Variants in ITSN2 observed in about 807,000 individuals in gnomAD.
The protein encoded by ITSN2 is intersectin 2, also known as intersectin-2.
In ITSN2, 156 loss-of-function variants were observed where a neutral mutation model predicts 243.7. The ratio of observed to expected loss-of-function variants is 0.64; its 90% CI spans 0.56 to 0.73. The LOEUF is 0.73. ITSN2 is among the 30% of genes least tolerant of loss of function. The probability of loss-of-function intolerance (pLI) is 0.00; values close to 1 mark genes in which losing one functional copy is unlikely to be tolerated. For missense variants in ITSN2, 1,801 were observed against 1,996.1 expected, an observed-to-expected ratio of 0.90 and a Z score of 1.86; for synonymous variants, 703 against 699.9, an observed-to-expected ratio of 1.00 and a Z score of -0.07.
chr2:24,310,233 A>G, intron 7 of ITSN2, 51 bp downstream of exon 7: 2 of 1,170,336 alleles, frequency 1.7e-6, no homozygotes, highest in Non-Finnish European at 2.5e-6. Flanking sequence ...TTTGTTAAAT[A>G]AAGACTTCTT....
At chr2:24,244,549 A>G (rs972301546) in intron 29 of ITSN2, among the ~76,000 whole-genome samples, 1 of 152,214 alleles carries the variant, frequency 6.6e-6, no homozygotes, top group Non-Finnish European at 1.5e-5. Context: ...GCATGCCTTC[A>G]GGGATCACTA....
chr2:24,235,999 A>ATAT (rs1416971943), intron 29 of ITSN2, among the ~76,000 whole-genome samples: 1 of 152,250 alleles, frequency 6.6e-6, no homozygotes, highest in Non-Finnish European at 1.5e-5. Context: ...ACTCCTAGAT[A>ATAT]TATATCCAAA....
intron 29 of ITSN2, among the ~76,000 whole-genome samples, chr2:24,238,115 GTC>G (rs2151239614): frequency 6.6e-6 from 1 of 152,284 alleles, no homozygotes; most frequent in Admixed American, 6.5e-5. Flanking sequence ...CCTCCAGCAA[GTC>G]TCTCGTTCAC....
rs377017306 is a variant in ITSN2 at position 24,305,174 on chromosome 2, CCT to C, written c.794-1314_794-1313del. Among the ~76,000 whole-genome samples the C allele has an allele frequency of 2.1e-3, 324 of 152,218 alleles. 1 individual carries two copies. The highest frequency in any genetic ancestry group is 7.4e-3 in the African/African-American group (308 of 41,522). ...TCAAAGATATGAACCATGTCTTGCCCCTGTCTGTATTCCTGTGCCTAAGAGAG... is the reference window on the plus strand; with the variant it reads ...TCAAAGATATGAACCATGTCTTGCCCGTCTGTATTCCTGTGCCTAAGAGAG... On this transcript the variant is annotated intron_variant, in intron 8 of 39. Coordinates refer to ENST00000355123, the MANE Select transcript of ITSN2 (RefSeq NM_006277.3).
chr2:24,220,759 G>A (rs1459127645), intron 30 of ITSN2, 186 bp downstream of exon 30: 16 of 1,400,924 alleles, frequency 1.1e-5, no homozygotes. Context: ...TCAATCTCAA[G>A]CATTATCCGG....
chr2:24,239,501 G>C (rs1014201636), intron 29 of ITSN2: 9 of 151,916 alleles, frequency 5.9e-5, no homozygotes, highest in Non-Finnish European at 8.8e-5. Context: ...TTTTAGAACT[G>C]ATTTTTTTCA....
intron 20 of ITSN2, among the ~76,000 whole-genome samples, chr2:24,267,952 C>A (rs1424275212): frequency 6.6e-6 from 1 of 152,124 alleles, no homozygotes; most frequent in Non-Finnish European, 1.5e-5. Flanking sequence ...TGTAGTTAGG[C>A]CAAGTTGTTT....
chr2:24,256,951 T>C (rs1675125158), intron 23 of ITSN2, among the ~76,000 whole-genome samples: 2 of 152,130 alleles, frequency 1.3e-5, no homozygotes, highest in Non-Finnish European at 1.5e-5. Context: ...TACTTAAATA[T>C]TGACAATTTA....
chr2:24,297,268 T>A (rs1373011087), intron 13 of ITSN2, among the ~76,000 whole-genome samples: 1 of 152,210 alleles, frequency 6.6e-6, no homozygotes, highest in Non-Finnish European at 1.5e-5. Context: ...TAAATCTGGC[T>A]CTACTACATG....
chr2:24,240,904 A>G (rs915462148), intron 29 of ITSN2: 1 of 152,202 alleles, frequency 6.6e-6, no homozygotes, highest in Non-Finnish European at 1.5e-5. Context: ...ATATTAGTTT[A>G]TAATAATGTT....
At chr2:24,206,599 C>T (rs539909243) in intron 37 of ITSN2, among the ~76,000 whole-genome samples, 2 of 152,182 alleles carry the variant, frequency 1.3e-5, no homozygotes, top group Non-Finnish European at 2.9e-5. Context: ...TTTACAAAGA[C>T]CATTGCGGCT....
At chr2:24,349,944 G>A (rs1475116686) in intron 1 of ITSN2, among the ~76,000 whole-genome samples, 1 of 152,202 alleles carries the variant, frequency 6.6e-6, no homozygotes, top group East Asian at 1.9e-4. Context: ...AATATCTTCT[G>A]AGTGTGGGCA....
intron 8 of ITSN2, among the ~76,000 whole-genome samples, chr2:24,305,170 T>C (rs1682325562): frequency 6.6e-6 from 1 of 152,184 alleles, no homozygotes; most frequent in African/African-American, 2.4e-5. Flanking sequence ...AACCATGTCT[T>C]GCCCCTGTCT....
At position 24,295,717 on chromosome 2, in the gene ITSN2, T is replaced by C; in HGVS notation, c.1582A>G (p.Lys528Glu). The C allele has an allele frequency of 6.4e-7, 1 of 1,563,302 alleles. No individual in the cohort carries two copies. Among genetic ancestry groups the C allele is most frequent in the Non-Finnish European group, 8.6e-7 (1 of 1,162,442 alleles). Residue 528 changes from lysine (K) to glutamate (E), a missense_variant, in exon 14 of 40, where the codon AAG (lysine) becomes GAG (glutamate). This residue lies in a region of ITSN2 where 787 missense variants were observed against 803.9 expected (regional missense o/e 0.98). Transcript: ENST00000355123. ...TCCATAATTTCCAAGTCACACTGCTTATCCAGAACTTCCAGCTCAGTCTTT... is the reference window on the plus strand; with the variant it reads ...TCCATAATTTCCAAGTCACACTGCTCATCCAGAACTTCCAGCTCAGTCTTT... Reference protein sequence around the residue: ...TQKTELEVLDKQCDLEIMEIK... With the variant: ...TQKTELEVLDEQCDLEIMEIK...
chr2:24,208,045 G>A (rs754698967), intron 37 of ITSN2, among the ~76,000 whole-genome samples, 192 bp downstream of exon 37: 61 of 152,062 alleles, frequency 4.0e-4, no homozygotes, highest in Non-Finnish European at 8.1e-4. Flanking sequence ...CTGCCAGCCC[G>A]TGTCTGTGTG....
rs760655691 is a variant in ITSN2, at chr2:24,265,486, CTTAATAGA to C, written c.2356-3752_2356-3745del. Among the ~76,000 whole-genome samples the C allele has an allele frequency of 1.4e-3, 210 of 152,282 alleles. 2 individuals are homozygous for C. Among genetic ancestry groups the C allele is most frequent in the Non-Finnish European group, 2.5e-3 (168 of 68,020 alleles). On this transcript the variant is annotated intron_variant, in intron 20 of 39. Transcript: ENST00000355123. ...AAACTCATTTAAATAGTTCTAGTAGCTTAATAGATTCTATGGGACTTTTTACATAGATT... is the reference window on the plus strand; with the variant it reads ...AAACTCATTTAAATAGTTCTAGTAGCTTCTATGGGACTTTTTACATAGATT...
intron 29 of ITSN2, among the ~76,000 whole-genome samples, chr2:24,229,241 T>C (rs1431898039): frequency 6.6e-6 from 1 of 152,184 alleles, no homozygotes; most frequent in African/African-American, 2.4e-5. Flanking sequence ...TTGAACACTA[T>C]TAACAAGGTT....
At chr2:24,318,458 T>C (rs1684181625) in intron 2 of ITSN2, among the ~76,000 whole-genome samples, 1 of 152,190 alleles carries the variant, frequency 6.6e-6, no homozygotes, top group African/African-American at 2.4e-5. Flanking sequence ...CTGACATGGA[T>C]GCACTTTTAT....
intron 18 of ITSN2, among the ~76,000 whole-genome samples, chr2:24,274,400 T>A (rs1677765055): frequency 6.6e-6 from 1 of 152,030 alleles, no homozygotes; most frequent in Admixed American, 6.6e-5. Flanking sequence ...AGAGGCCTCA[T>A]CCCTATTAAA....
Sources: allele counts gnomAD v4.1 joint callset (sites outside exome capture counted in the v4.1 genomes callset), GRCh38; gene constraint gnomAD v4.1.1; regional missense constraint gnomAD v4.1.1; transcripts MANE v1.5; gene names NCBI Gene and HGNC (gene_info 2026-07-23, HGNC 2026-07-21).